The following SPOCK3 variants were observed in gnomAD, a reference collection of about 807,000 sequenced individuals.
SPOCK3 encodes SPARC (osteonectin), cwcv and kazal like domains proteoglycan 3, also known as testican-3.
SPOCK3 carries 30 observed loss-of-function variants against 56.6 expected under a neutral mutation model. That is an observed-to-expected ratio of 0.53 (90% CI 0.40 to 0.72). The LOEUF (loss-of-function observed/expected upper bound fraction) is 0.72, where lower values mean the gene tolerates loss of function less well. Ranked by LOEUF, SPOCK3 falls within the 30% of genes least tolerant of loss-of-function variation. The pLI, the probability that SPOCK3 is intolerant of heterozygous loss-of-function variation, is 0.00. For missense variants in SPOCK3, 527 were observed against 530.0 expected, an observed-to-expected ratio of 0.99 and a Z score of 0.06; for synonymous variants, 196 against 183.3, an observed-to-expected ratio of 1.07 and a Z score of -0.56.
At chr4:166,802,179 T>C (rs1742676022) in intron 6 of SPOCK3, among the ~76,000 whole-genome samples, 1 of 151,860 alleles carries the variant, frequency 6.6e-6, no homozygotes, top group Non-Finnish European at 1.5e-5. Flanking sequence ...GCCTAATAAG[T>C]AAATGATGCT....
chr4:166,799,632 A>G (rs1297196502), intron 6 of SPOCK3, among the ~76,000 whole-genome samples: 1 of 152,134 alleles, frequency 6.6e-6, no homozygotes, highest in Admixed American at 6.5e-5. Context: ...AGAAGGTTGC[A>G]AAGACCAACA....
chr4:167,012,955 GTTAA>G (rs1287838516), intron 3 of SPOCK3, among the ~76,000 whole-genome samples: 1 of 151,866 alleles, frequency 6.6e-6, no homozygotes, highest in Non-Finnish European at 1.5e-5. Context: ...ATACTTGATA[GTTAA>G]TTAGACTTTT....
At chr4:167,082,689 C>G (rs963539531) in intron 2 of SPOCK3, among the ~76,000 whole-genome samples, 1 of 132,956 alleles carries the variant, frequency 7.5e-6, no homozygotes, top group Non-Finnish European at 1.5e-5. Context: ...TTGTTCAGTT[C>G]TTAGTTGTAA....
chr4:166,834,178 A>C (rs1015724929), intron 6 of SPOCK3, among the ~76,000 whole-genome samples: 2 of 152,140 alleles, frequency 1.3e-5, no homozygotes, highest in African/African-American at 4.8e-5. Context: ...AGCACCAATG[A>C]AAGTCCACGG....
At chr4:166,980,199 A>C (rs1241454013) in intron 4 of SPOCK3, among the ~76,000 whole-genome samples, 1 of 152,250 alleles carries the variant, frequency 6.6e-6, no homozygotes, top group East Asian at 1.9e-4. Flanking sequence ...AAAGAAAAAC[A>C]TATTAGACTT....
At chr4:166,876,532 A>G (rs1733104231) in intron 6 of SPOCK3, among the ~76,000 whole-genome samples, 1 of 152,202 alleles carries the variant, frequency 6.6e-6, no homozygotes, top group African/African-American at 2.4e-5. Context: ...GCATGATTTT[A>G]AGCAAACGAT....
intron 6 of SPOCK3, among the ~76,000 whole-genome samples, chr4:166,846,718 T>G (rs1748099024): frequency 6.6e-6 from 1 of 152,148 alleles, no homozygotes; most frequent in African/African-American, 2.4e-5. Context: ...TATGTTTTAT[T>G]TATATTTTAA....
chr4:167,021,664 A>T (rs919462814), intron 3 of SPOCK3, among the ~76,000 whole-genome samples: 20 of 151,814 alleles, frequency 1.3e-4, no homozygotes, highest in African/African-American at 4.8e-4. Flanking sequence ...TCCTAGAATT[A>T]CAGCCACTGT....
intron 9 of SPOCK3, among the ~76,000 whole-genome samples, chr4:166,738,517 G>A (rs1184744261): frequency 1.3e-5 from 2 of 148,974 alleles, no homozygotes; most frequent in Non-Finnish European, 3.0e-5. Context: ...CGTGCACAAT[G>A]TGCAGGTTAG....
intron 7 of SPOCK3, among the ~76,000 whole-genome samples, chr4:166,777,844 C>T (rs1443847895): frequency 6.6e-6 from 1 of 152,174 alleles, no homozygotes; most frequent in Non-Finnish European, 1.5e-5. Context: ...CCCTCTCAAC[C>T]ATTTCAACTA....
chr4:166,771,866 T>C (rs781170098), intron 7 of SPOCK3, among the ~76,000 whole-genome samples: 1 of 152,066 alleles, frequency 6.6e-6, no homozygotes, highest in Non-Finnish European at 1.5e-5. Flanking sequence ...ATATTAGCTG[T>C]TTTAAATTCT....
At chr4:166,854,008 G>C (rs1012292547) in intron 6 of SPOCK3, among the ~76,000 whole-genome samples, 5 of 152,094 alleles carry the variant, frequency 3.3e-5, no homozygotes, top group Admixed American at 3.3e-4. Context: ...ATGTTAGTTT[G>C]AGCAATATGA....
intron 8 of SPOCK3, among the ~76,000 whole-genome samples, chr4:166,753,443 A>C (rs1736675319): frequency 6.6e-6 from 1 of 151,950 alleles, no homozygotes; most frequent in African/African-American, 2.4e-5. Context: ...GTATTTTTTA[A>C]ACTTTGTTTA....
chr4:167,050,674 C>G (rs116438938), intron 3 of SPOCK3, among the ~76,000 whole-genome samples: 1,951 of 152,124 alleles, frequency 0.013, 21 homozygotes, highest in Non-Finnish European at 0.019. Flanking sequence ...AACAGAGAAA[C>G]AAAATGTGGG....
At chr4:167,144,055 C>T (rs554134693) in intron 2 of SPOCK3, among the ~76,000 whole-genome samples, 6 of 152,108 alleles carry the variant, frequency 3.9e-5, no homozygotes, top group South Asian at 2.1e-4. Flanking sequence ...CTGAGTCAAA[C>T]GAGTACATGC....
At chr4:166,770,067 T>A (rs2126564454) in intron 7 of SPOCK3, among the ~76,000 whole-genome samples, 1 of 152,190 alleles carries the variant, frequency 6.6e-6, no homozygotes, top group East Asian at 1.9e-4. Context: ...AGTGACTCGA[T>A]TTTCCAGGTG....
At chr4:167,199,733 T>TAAG (rs1733336612) in intron 2 of SPOCK3, among the ~76,000 whole-genome samples, 1 of 139,104 alleles carries the variant, frequency 7.2e-6, no homozygotes, top group Non-Finnish European at 1.6e-5. Flanking sequence ...ATAATAATAA[T>TAAG]AATAACTTTA....
At chr4:167,204,805 C>G (rs552991877) in intron 2 of SPOCK3, among the ~76,000 whole-genome samples, 4 of 151,604 alleles carry the variant, frequency 2.6e-5, no homozygotes, top group East Asian at 1.9e-4. Context: ...ATAGGAACAG[C>G]CTTTGTCCTA....
intron 6 of SPOCK3, among the ~76,000 whole-genome samples, chr4:166,869,072 A>T (rs1444736270): frequency 6.7e-6 from 1 of 150,204 alleles, no homozygotes; most frequent in Non-Finnish European, 1.5e-5. Context: ...AGAAAATTAC[A>T]AAGCTGCTCC....
Sources: allele counts gnomAD v4.1 joint callset (sites outside exome capture counted in the v4.1 genomes callset), GRCh38; gene constraint gnomAD v4.1.1; transcripts MANE v1.5; gene names NCBI Gene and HGNC (gene_info 2026-07-23, HGNC 2026-07-21).